Variants in PLAAT3 observed in about 807,000 individuals in gnomAD.
The protein encoded by PLAAT3 is phospholipase A and acyltransferase 3, also known as Ca-independent phospholipase A1/2.
A neutral mutation model predicts 16.7 loss-of-function variants in PLAAT3; 21 were observed. The ratio of observed to expected loss-of-function variants is 1.26; its 90% CI spans 0.89 to 1.81. The LOEUF (loss-of-function observed/expected upper bound fraction) is 1.81. Ranked by LOEUF, PLAAT3 falls within the 40% of genes most tolerant of loss-of-function variation. The probability of loss-of-function intolerance (pLI) is 0.00; values close to 1 mark genes in which losing one functional copy is unlikely to be tolerated. For synonymous variants in PLAAT3, 76 were observed against 81.7 expected, an observed-to-expected ratio of 0.93 and a Z score of 0.38; for missense variants, 219 against 213.7, an observed-to-expected ratio of 1.02 and a Z score of -0.16.
intron 2 of PLAAT3, among the ~76,000 whole-genome samples, chr11:63,613,729 T>C (rs897322474): frequency 3.0e-5 from 4 of 131,288 alleles, no homozygotes; most frequent in Non-Finnish European, 3.4e-5. Flanking sequence ...AGACCTGCCC[T>C]GGCCACCTCC....
At chr11:63,583,976 G>A (rs1937892519) in intron 4 of PLAAT3, among the ~76,000 whole-genome samples, 1 of 152,238 alleles carries the variant, frequency 6.6e-6, no homozygotes, top group South Asian at 2.1e-4. Flanking sequence ...TAAAGAAGAA[G>A]TGGAGATAGT....
upstream of PLAAT3, among the ~76,000 whole-genome samples, chr11:63,615,358 A>G (rs1387447351): frequency 7.7e-6 from 1 of 130,664 alleles, no homozygotes; most frequent in Admixed American, 8.8e-5. Flanking sequence ...GTGTATATAT[A>G]TGTGTGCATA....
At chr11:63,616,094 C>G (rs1938866328), upstream of PLAAT3, among the ~76,000 whole-genome samples, 1 of 152,126 alleles carries the variant, frequency 6.6e-6, no homozygotes, top group Non-Finnish European at 1.5e-5. Flanking sequence ...TCACATACTT[C>G]TTTTGTGGTG....
At chr11:63,575,813 T>C (rs1385631419) in intron 4 of PLAAT3, among the ~76,000 whole-genome samples, 2 of 152,110 alleles carry the variant, frequency 1.3e-5, no homozygotes, top group Non-Finnish European at 2.9e-5. Context: ...CCTAATTATA[T>C]AAAAGAATAC....
At chr11:63,615,130 A>G (rs1215446847), upstream of PLAAT3, among the ~76,000 whole-genome samples, 1 of 61,508 alleles carries the variant, frequency 1.6e-5, no homozygotes, top group Non-Finnish European at 3.4e-5. Context: ...GTGTGTATAT[A>G]TGTATATGTG....
At chr11:63,601,972 C>G (rs1460380554) in intron 2 of PLAAT3, among the ~76,000 whole-genome samples, 4 of 98,914 alleles carry the variant, frequency 4.0e-5, no homozygotes, top group African/African-American at 1.6e-4. Flanking sequence ...AAGAGCGAAA[C>G]TCTGTCTCAA....
At chr11:63,584,393 T>C (rs1305019103) in intron 4 of PLAAT3, among the ~76,000 whole-genome samples, 1 of 151,896 alleles carries the variant, frequency 6.6e-6, no homozygotes, top group East Asian at 1.9e-4. Flanking sequence ...AGGTGGAAAG[T>C]AGGAGAATCT....
intron 1 of PLAAT3, 32 bp from the exon 2 acceptor site, chr11:63,614,100 T>C (rs1419446580): frequency 1.2e-6 from 2 of 1,604,176 alleles, no homozygotes; most frequent in Non-Finnish European, 1.7e-6. Context: ...TTTATTGTCA[T>C]TAACAGGAAA....
intron 2 of PLAAT3, among the ~76,000 whole-genome samples, chr11:63,606,462 A>ACACC (rs945885416): frequency 1.3e-4 from 18 of 136,566 alleles, no homozygotes; most frequent in African/African-American, 4.0e-4. Flanking sequence ...ACACACACAC[A>ACACC]CCTTAGTAAA....
At chr11:63,592,843 C>G (rs1334626634) in intron 3 of PLAAT3, among the ~76,000 whole-genome samples, 2 of 152,210 alleles carry the variant, frequency 1.3e-5, no homozygotes, top group Non-Finnish European at 2.9e-5. Context: ...AGTTTATAAG[C>G]TTCCTTCCAG....
intron 3 of PLAAT3, among the ~76,000 whole-genome samples, chr11:63,592,240 C>T (rs558612539): frequency 2.2e-4 from 34 of 152,054 alleles, no homozygotes; most frequent in Middle Eastern, 3.4e-3. Flanking sequence ...GATCTTGGCT[C>T]GCTGCAACCT....
At chr11:63,599,216 AGGCTG>A (rs1236934755) in intron 2 of PLAAT3, among the ~76,000 whole-genome samples, 1 of 152,226 alleles carries the variant, frequency 6.6e-6, no homozygotes, top group Non-Finnish European at 1.5e-5. Flanking sequence ...AGCCCATCAG[AGGCTG>A]GTTCTGGCCC....
At chr11:63,614,655 A>G (rs978046355), upstream of PLAAT3, among the ~76,000 whole-genome samples, 1 of 152,122 alleles carries the variant, frequency 6.6e-6, no homozygotes, top group Admixed American at 6.6e-5. Context: ...CTGCAGGGCC[A>G]TGATGGGTTT....
chr11:63,598,671 A>C (rs1938352616), intron 2 of PLAAT3: 1 of 517,990 alleles, frequency 1.9e-6, no homozygotes, highest in African/African-American at 1.9e-5. Context: ...ACCATCAGGA[A>C]ACACCACCAG....
intron 2 of PLAAT3, among the ~76,000 whole-genome samples, chr11:63,611,199 C>T (rs7131579): frequency 0.3 from 45,532 of 151,928 alleles, 7,598 homozygotes; most frequent in East Asian, 0.58. Context: ...CCTCGACCTC[C>T]CGGGCTCAAG....
At chr11:63,609,104 G>C (rs987487463) in intron 2 of PLAAT3, among the ~76,000 whole-genome samples, 1 of 152,192 alleles carries the variant, frequency 6.6e-6, no homozygotes, top group Non-Finnish European at 1.5e-5. Flanking sequence ...GGACCAGGTG[G>C]AGACACTGTG....
chr11:63,589,290 A>C (rs146340372), intron 4 of PLAAT3, among the ~76,000 whole-genome samples: 50 of 152,176 alleles, frequency 3.3e-4, no homozygotes, highest in African/African-American at 1.2e-3. Flanking sequence ...ATCTCAAAAA[A>C]AATAATAATA....
At chr11:63,612,819 A>C (rs1295662529) in intron 2 of PLAAT3, among the ~76,000 whole-genome samples, 1 of 152,166 alleles carries the variant, frequency 6.6e-6, no homozygotes, top group Non-Finnish European at 1.5e-5. Flanking sequence ...TTACATATAT[A>C]AGGTTTTTAC....
At chr11:63,616,059 C>T (rs1293489188), upstream of PLAAT3, among the ~76,000 whole-genome samples, 1 of 152,106 alleles carries the variant, frequency 6.6e-6, no homozygotes, top group Admixed American at 6.5e-5. Context: ...ATAACTAAAT[C>T]GAGCTAATTA....
Sources: allele counts gnomAD v4.1 joint callset (sites outside exome capture counted in the v4.1 genomes callset), GRCh38; gene constraint gnomAD v4.1.1; transcripts MANE v1.5; gene names NCBI Gene and HGNC (gene_info 2026-07-23, HGNC 2026-07-21).